The following SCRG1 variants were observed in gnomAD, a reference collection of about 807,000 sequenced individuals.
The protein encoded by SCRG1 is stimulator of chondrogenesis 1, also known as scrapie-responsive protein 1.
In SCRG1, 3 loss-of-function variants were observed where a neutral mutation model predicts 7.7. The observed-to-expected ratio is 0.39, with a 90% CI of 0.18 to 1.01. The LOEUF (loss-of-function observed/expected upper bound fraction) is 1.01, where lower values mean the gene tolerates loss of function less well. Ranked by LOEUF, SCRG1 falls within the 50% of genes least tolerant of loss-of-function variation. The probability of loss-of-function intolerance (pLI) is 0.36; values close to 1 mark genes in which losing one functional copy is unlikely to be tolerated. For synonymous variants in SCRG1, 46 were observed against 41.2 expected, an observed-to-expected ratio of 1.12 and a Z score of -0.44; for missense variants, 110 against 117.2, an observed-to-expected ratio of 0.94 and a Z score of 0.28.
the SCRG1 span, among the ~76,000 whole-genome samples, chr4:173,483,775 TGA>T: frequency 0.015 from 564 of 38,462 alleles, 197 homozygotes; most frequent in African/African-American, 0.043. Context: ...ATATGATATA[TGA>T]TATATCATAT....
chr4:173,388,970 C>T (rs976012198), intron 2 of SCRG1, among the ~76,000 whole-genome samples: 1 of 151,898 alleles, frequency 6.6e-6, no homozygotes, highest in Admixed American at 6.6e-5. Context: ...TCAAGTATAC[C>T]CACACTGCTG....
the SCRG1 span, among the ~76,000 whole-genome samples, chr4:173,429,671 G>A: frequency 2.0e-5 from 3 of 152,110 alleles, no homozygotes; most frequent in African/African-American, 4.8e-5. Flanking sequence ...TTGTATTGTC[G>A]ATTGAGACAG....
At chr4:173,438,498 A>G in the SCRG1 span, among the ~76,000 whole-genome samples, 1 of 151,898 alleles carries the variant, frequency 6.6e-6, no homozygotes, top group Non-Finnish European at 1.5e-5. Context: ...TTATATTTAT[A>G]TTATTTTAAA....
Position 173,385,820 on chromosome 4 carries a change from G to C in SCRG1, c.*2521C>G, listed in dbSNP as rs1739228775. 2 of 152,136 alleles carry C rather than the reference G, an allele frequency of 1.3e-5. No individual in the cohort carries two copies. Among genetic ancestry groups the C allele is most frequent in the African/African-American group, 4.8e-5 (2 of 41,426 alleles). 9.4% of individuals were successfully genotyped at this position (152,136 alleles called of 1,614,324 possible). ...GTGTCATTTGTAAATGGAGACACTG[G>C]ATCTTTAATGCTTTTTCCCCCTCAA... On this transcript the variant is annotated 3_prime_UTR_variant, in exon 3 of 3. Coordinates refer to ENST00000296506, the MANE Select transcript of SCRG1 (RefSeq NM_007281.4).
chr4:173,517,298 T>C, the SCRG1 span, among the ~76,000 whole-genome samples: 564 of 152,260 alleles, frequency 3.7e-3, 1 homozygote, highest in Middle Eastern at 0.01. Context: ...ACAAGGCATG[T>C]GGGTACAAGA....
the SCRG1 span, among the ~76,000 whole-genome samples, chr4:173,476,363 A>AAAAAAAAAAATATAT: frequency 2.0e-5 from 2 of 98,506 alleles, no homozygotes; most frequent in Middle Eastern, 5.3e-3. Context: ...GGAAAAAAAA[A>AAAAAAAAAAATATAT]ATATATATAT....
At chr4:173,460,021 A>G in the SCRG1 span, among the ~76,000 whole-genome samples, 1 of 152,232 alleles carries the variant, frequency 6.6e-6, no homozygotes, top group Non-Finnish European at 1.5e-5. Flanking sequence ...ATGGCGGAAT[A>G]GAAGGCTCCA....
Position 173,397,016 on chromosome 4 carries a change from G to A in SCRG1, c.-15+2052C>T, listed in dbSNP as rs1245207514. Among the ~76,000 whole-genome samples, 13 of 152,000 alleles carry A rather than the reference G, an allele frequency of 8.6e-5. No homozygotes were observed. In the East Asian group the frequency reaches 2.5e-3, roughly 29 times the overall value. On this transcript the variant is annotated intron_variant, in intron 1 of 2. Coordinates refer to ENST00000296506, the MANE Select transcript of SCRG1 (RefSeq NM_007281.4). ...TGCAGTGAGCCGAGATTGCACCACT[G>A]CACTCCAGCCTGCGCGATGGAGCCA...
At chr4:173,435,727 G>A in the SCRG1 span, among the ~76,000 whole-genome samples, 2 of 152,198 alleles carry the variant, frequency 1.3e-5, no homozygotes, top group Non-Finnish European at 2.9e-5. Context: ...CAGAGCAAAG[G>A]AGAGTCTTGA....
intron 1 of SCRG1, among the ~76,000 whole-genome samples, chr4:173,392,111 T>C (rs1330911089): frequency 6.6e-6 from 1 of 152,200 alleles, no homozygotes; most frequent in Non-Finnish European, 1.5e-5. Context: ...CCTTACATTA[T>C]CTTACATCCT....
the SCRG1 span, among the ~76,000 whole-genome samples, chr4:173,459,278 A>G: frequency 6.6e-6 from 1 of 152,258 alleles, no homozygotes; most frequent in Non-Finnish European, 1.5e-5. Flanking sequence ...AGGCATTTAC[A>G]GAACACTTCA....
the SCRG1 span, among the ~76,000 whole-genome samples, chr4:173,449,559 T>G: frequency 6.6e-6 from 1 of 152,010 alleles, no homozygotes; most frequent in Non-Finnish European, 1.5e-5. Flanking sequence ...TCTTGGCTCT[T>G]GCATTCCAAA....
chr4:173,397,596 T>G (rs763750816), intron 1 of SCRG1, among the ~76,000 whole-genome samples: 17 of 152,200 alleles, frequency 1.1e-4, no homozygotes, highest in Non-Finnish European at 1.8e-4. Context: ...AACTAAACAA[T>G]AAATCATTGC....
the SCRG1 span, among the ~76,000 whole-genome samples, chr4:173,415,421 A>G: frequency 1.2e-4 from 19 of 152,266 alleles, no homozygotes; most frequent in African/African-American, 4.1e-4. Context: ...AGCTTAGTAG[A>G]TTTAATTTTT....
chr4:173,471,793 T>C, the SCRG1 span, among the ~76,000 whole-genome samples: 1 of 152,214 alleles, frequency 6.6e-6, no homozygotes, highest in African/African-American at 2.4e-5. Flanking sequence ...CACCGCAACC[T>C]CCGCCTCCTG....
At chr4:173,494,876 A>G in the SCRG1 span, among the ~76,000 whole-genome samples, 1 of 152,248 alleles carries the variant, frequency 6.6e-6, no homozygotes, top group Non-Finnish European at 1.5e-5. Flanking sequence ...CGATCAATTT[A>G]CGCATTGATT....
the SCRG1 span, among the ~76,000 whole-genome samples, chr4:173,459,041 A>G: frequency 2.6e-5 from 4 of 152,238 alleles, no homozygotes; most frequent in African/African-American, 9.6e-5. Context: ...TAAAAGGTTC[A>G]AAAGGATCCT....
the SCRG1 span, among the ~76,000 whole-genome samples, chr4:173,441,033 C>T: frequency 6.6e-6 from 1 of 151,172 alleles, no homozygotes; most frequent in African/African-American, 2.4e-5. Context: ...CACAGTTTCC[C>T]GGTAGACATT....
At chr4:173,485,902 G>A in the SCRG1 span, among the ~76,000 whole-genome samples, 6 of 152,110 alleles carry the variant, frequency 3.9e-5, no homozygotes, top group African/African-American at 1.2e-4. Flanking sequence ...CTTGGGAGGT[G>A]GAGGTTGCAG....
Sources: allele counts gnomAD v4.1 joint callset (sites outside exome capture counted in the v4.1 genomes callset), GRCh38; gene constraint gnomAD v4.1.1; transcripts MANE v1.5; gene names NCBI Gene and HGNC (gene_info 2026-07-23, HGNC 2026-07-21).